Variants in ABCA12 observed in about 807,000 individuals in gnomAD.
The protein encoded by ABCA12 is ATP binding cassette subfamily A member 12.
A neutral mutation model predicts 293.5 loss-of-function variants in ABCA12; 156 were observed. The observed-to-expected ratio is 0.53, with a 90% CI of 0.47 to 0.61. ABCA12 has a LOEUF of 0.61. Ranked by LOEUF, ABCA12 falls within the 20% of genes least tolerant of loss-of-function variation. The pLI is 0.00. For synonymous variants in ABCA12, 1,063 were observed against 1,108.0 expected (o/e 0.96, Z 0.81); for missense variants, 2,797 against 3,090.2 (o/e 0.91, Z 2.25).
chr2:215,080,231 C>G (rs1701911286), intron 2 of ABCA12, among the ~76,000 whole-genome samples: 1 of 152,160 alleles, frequency 6.6e-6, no homozygotes, highest in Non-Finnish European at 1.5e-5. Flanking sequence ...GGTGCAGTGG[C>G]TCATGCCTGT....
At chr2:215,026,405 G>T (rs547932306) in intron 10 of ABCA12, among the ~76,000 whole-genome samples, 1 of 152,226 alleles carries the variant, frequency 6.6e-6, no homozygotes, top group South Asian at 2.1e-4. Context: ...AAATGCCTTT[G>T]TTTATGTAAT....
Position 214,974,034 on chromosome 2 carries a change from A to T in ABCA12, c.5477T>A (p.Leu1826Ter). ...CCATTTTTCCAGACTGTCTTTGTTT[A>T]AACACTGTCTGCAAGTTAAAATGAT... is the stretch of plus-strand genomic sequence containing the variant. ...MCLNTSDLQC[L>*]NKDSLEKWNT... Residue 1826 changes from leucine (L) to a stop codon, truncating the protein, a stop_gained, in exon 36 of 53, where the codon TTA becomes TAA. Coordinates refer to ENST00000272895, the MANE Select transcript of ABCA12 (RefSeq NM_173076.3). LOFTEE classifies it high-confidence loss of function. 1 of 1,613,884 alleles carries T rather than the reference A, an allele frequency of 6.2e-7. No homozygotes were observed. Among genetic ancestry groups the T allele is most frequent in the Non-Finnish European group, 8.5e-7 (1 of 1,179,832 alleles).
chr2:214,996,590 A>G (rs373325133), intron 23 of ABCA12, among the ~76,000 whole-genome samples: 1 of 152,188 alleles, frequency 6.6e-6, no homozygotes, highest in East Asian at 1.9e-4. Flanking sequence ...ACAGTCCTGA[A>G]AACAACAGGA....
chr2:214,942,988 C>T lies in ABCA12; in HGVS notation c.7373G>A (p.Arg2458Lys), dbSNP rs751398668. The change falls in exon 50 of 53, where the codon AGG (arginine) becomes AAG (lysine). Residue 2458 changes from arginine (R) to lysine (K), a missense_variant. Physicochemically the swap from Arg to Lys is conservative, Grantham distance 26 (BLOSUM62 2). Coordinates refer to ENST00000272895, the MANE Select transcript of ABCA12 (RefSeq NM_173076.3). ...SMEECEALCT[R>K]LAIMVNGKFQ... is the part of the protein sequence containing the mutation. ...CTTTCCATTCACCATAATGGCCAAC[C>T]TGGTACAGAGAGCTTCACATTCTTC... The T allele has an allele frequency of 4.3e-6, 7 of 1,613,406 alleles. No individual in the cohort carries two copies. The highest frequency in any genetic ancestry group is 5.9e-6 in the Non-Finnish European group (7 of 1,179,806).
intron 23 of ABCA12, among the ~76,000 whole-genome samples, chr2:214,997,192 G>A (rs992746144): frequency 2.0e-5 from 3 of 152,170 alleles, no homozygotes; most frequent in African/African-American, 7.2e-5. Flanking sequence ...TAAGTCAGGA[G>A]TCAGTGGGAA....
At chr2:214,984,692 G>C (rs77134522) in intron 28 of ABCA12, among the ~76,000 whole-genome samples, 3,482 of 152,042 alleles carry the variant, frequency 0.023, 127 homozygotes, top group African/African-American at 0.078. Context: ...TCATACACTG[G>C]TTGCACGAGA....
chr2:215,007,888 T>A (rs1306289614), intron 18 of ABCA12, 42 bp from the exon 19 acceptor site: 4 of 1,611,616 alleles, frequency 2.5e-6, no homozygotes, highest in Middle Eastern at 1.7e-4. Flanking sequence ...CCATTAGTAT[T>A]TTGTCTATAT....
intron 2 of ABCA12, among the ~76,000 whole-genome samples, chr2:215,079,963 A>G (rs1310100369): frequency 2.0e-5 from 3 of 152,180 alleles, no homozygotes; most frequent in African/African-American, 7.2e-5. Context: ...TCGTATTCCT[A>G]ATATGTTTCC....
At chr2:215,074,409 G>C (rs1393038769) in intron 2 of ABCA12, among the ~76,000 whole-genome samples, 2 of 152,248 alleles carry the variant, frequency 1.3e-5, no homozygotes, top group East Asian at 3.9e-4. Flanking sequence ...CCTGAAGAAG[G>C]GAGTTTCATT....
In ABCA12 at chr2:215,000,858, T is replaced by C. The variant is rs780203862; in HGVS notation, c.3026A>G (p.Asn1009Ser). 5.0e-6 allele frequency: 8 copies of C among 1,614,026 alleles called. No homozygotes were observed. The highest frequency in any genetic ancestry group is 3.3e-5 in the Admixed American group (2 of 60,004). Residue 1009 changes from asparagine (N) to serine (S), a missense_variant, in exon 22 of 53, where the codon AAT (asparagine) becomes AGT (serine). By Grantham distance (46) the Asn-to-Ser change is conservative. Around this residue, in one of 3 missense-constraint regions of ABCA12, gnomAD observed 2,130 missense variants for 2,427.0 expected, o/e 0.88. Coordinates refer to ENST00000272895, the MANE Select transcript of ABCA12 (RefSeq NM_173076.3). ...ATAGATCTGGTTGTGTGATGGAGAA[T>C]TGTGTGGCCCTGGAGCCCAAATCTT... ...RTKIWAPGPHNSPSHNQIYGR... is the reference protein window; with the variant it reads ...RTKIWAPGPHSSPSHNQIYGR...
Position 214,975,900 on chromosome 2 carries a change from C to T in ABCA12, c.5266G>A (p.Val1756Ile), listed in dbSNP as rs140745167. The change falls in exon 34 of 53, where the codon GTC becomes ATC. Residue 1756 changes from valine to isoleucine, a missense_variant. Transcript: ENST00000272895. ...GLIAQVILPI[V>I]FVTTAMGLGT... is the part of the protein sequence containing the mutation. ...AGGCCCATGGCAGTGGTAACAAAGA[C>T]GATGGGGAGGATAACCTGAGCAATG... 225 of 1,614,082 alleles carry T rather than the reference C, an allele frequency of 1.4e-4. No homozygotes were observed. The African/African-American group carries it at 2.6e-3, about 18-fold the overall frequency.
At chr2:214,994,569 A>C (rs1699995682) in intron 23 of ABCA12, among the ~76,000 whole-genome samples, 1 of 152,254 alleles carries the variant, frequency 6.6e-6, no homozygotes, top group Non-Finnish European at 1.5e-5. Context: ...CAATTCTGCA[A>C]GAATGTCAAG....
chr2:214,949,357 AATAT>A (rs371533143), intron 45 of ABCA12, among the ~76,000 whole-genome samples: 21 of 145,420 alleles, frequency 1.4e-4, no homozygotes, highest in African/African-American at 4.3e-4. Flanking sequence ...TAACCATCTG[AATAT>A]ATATATATAT....
At chr2:214,959,382 A>AT (rs1699049493) in intron 39 of ABCA12, among the ~76,000 whole-genome samples, 1 of 151,942 alleles carries the variant, frequency 6.6e-6, no homozygotes, top group East Asian at 1.9e-4. Flanking sequence ...AGTATGTTCC[A>AT]TTTTTTTCCT....
At chr2:214,986,757 A>C (rs1467542366) in intron 27 of ABCA12, 29 bp from the exon 28 acceptor site, 2 of 1,600,824 alleles carry the variant, frequency 1.2e-6, no homozygotes, top group Admixed American at 3.3e-5. Flanking sequence ...AAGAGTTGTA[A>C]ACTCACAAGT....
intron 3 of ABCA12, among the ~76,000 whole-genome samples, chr2:215,057,213 T>C (rs938876375): frequency 2.6e-5 from 4 of 152,072 alleles, no homozygotes; most frequent in African/African-American, 9.7e-5. Flanking sequence ...ATCTCAGCCA[T>C]CATCTCCCTC....
At chr2:215,036,453 T>A (rs1341858586) in intron 8 of ABCA12, among the ~76,000 whole-genome samples, 1 of 152,180 alleles carries the variant, frequency 6.6e-6, no homozygotes, top group Non-Finnish European at 1.5e-5. Context: ...CAAACCTTTG[T>A]CTGTATGTGT....
At chr2:215,018,916 C>T (rs1195501916) in intron 13 of ABCA12, among the ~76,000 whole-genome samples, 2 of 152,178 alleles carry the variant, frequency 1.3e-5, no homozygotes, top group Non-Finnish European at 2.9e-5. Context: ...CATGATACCT[C>T]ATGCTTGGAA....
At chr2:215,052,871 A>T (rs1010160331) in intron 4 of ABCA12, among the ~76,000 whole-genome samples, 11 of 152,114 alleles carry the variant, frequency 7.2e-5, no homozygotes, top group Admixed American at 3.3e-4. Context: ...CATCACCAAC[A>T]TTATTGCCCA....
Sources: gnomAD v4.1 joint callset for allele counts (sites outside exome capture counted in the v4.1 genomes callset) on GRCh38, gnomAD v4.1.1 for gene constraint, gnomAD v4.1.1 regional missense constraint, MANE v1.5 for transcripts, NCBI Gene and HGNC (gene_info 2026-07-23, HGNC 2026-07-21) for gene names.